The following CDNF variants were observed in gnomAD, a reference collection of about 807,000 sequenced individuals.
CDNF encodes the protein cerebral dopamine neurotrophic factor, also known as ARMET-like protein 1.
A neutral mutation model predicts 14.8 loss-of-function variants in CDNF; 9 were observed. That is an observed-to-expected ratio of 0.61 (90% CI 0.37 to 1.06). CDNF has a LOEUF of 1.06. CDNF is among the 50% of genes least tolerant of loss of function. The pLI is 0.01. For missense variants in CDNF, 228 were observed against 228.4 expected (o/e 1.00, Z 0.01); for synonymous variants, 86 against 87.2 (o/e 0.99, Z 0.07).
At chr10:14,834,648 T>C (rs916407994) in intron 1 of CDNF, among the ~76,000 whole-genome samples, 33 of 152,340 alleles carry the variant, frequency 2.2e-4, no homozygotes, top group African/African-American at 7.7e-4. Flanking sequence ...GCCTACCATA[T>C]GCCATGCACT....
intron 1 of CDNF, among the ~76,000 whole-genome samples, chr10:14,835,316 A>C (rs1833877613): frequency 6.6e-6 from 1 of 152,186 alleles, no homozygotes; most frequent in South Asian, 2.1e-4. Context: ...GAACCCTGGA[A>C]AATTCTAAGC....
At chr10:14,832,427 A>C (rs1049672856) in intron 1 of CDNF, among the ~76,000 whole-genome samples, 1 of 152,218 alleles carries the variant, frequency 6.6e-6, no homozygotes, top group Non-Finnish European at 1.5e-5. Context: ...TCTGGATGTC[A>C]CTCTGAGAAG....
intron 1 of CDNF, 73 bp from the exon 2 acceptor site, chr10:14,828,345 C>T (rs768299290): frequency 4.7e-5 from 70 of 1,482,208 alleles, no homozygotes; most frequent in African/African-American, 9.8e-5. Context: ...GACCCACTAA[C>T]CACATTTAAA....
At chr10:14,820,199 G>A (rs1288293231) in intron 3 of CDNF, 41 bp from the exon 4 acceptor site, 13 of 1,589,252 alleles carry the variant, frequency 8.2e-6, no homozygotes, top group African/African-American at 4.1e-5. Flanking sequence ...CAAAATAAAT[G>A]GAAAAAAAAT....
rs545147706 is a variant in CDNF, at chr10:14,820,455, G to A, written c.386-297C>T. 3.0e-4 allele frequency among the ~76,000 whole-genome samples: 46 copies of A among 152,190 alleles called. No homozygotes were observed. The South Asian group carries it at 6.7e-3, about 22-fold the overall frequency. On this transcript the variant is annotated intron_variant, in intron 3 of 3. Coordinates refer to ENST00000465530, the MANE Select transcript of CDNF (RefSeq NM_001029954.3). ...AAAAAATACAAACAGGGCTGGGCAC[G>A]GTGGCTCATGCCTGTAATCTCAGCA...
intron 1 of CDNF, among the ~76,000 whole-genome samples, chr10:14,832,999 A>G (rs1292873727): frequency 6.6e-6 from 1 of 151,372 alleles, no homozygotes; most frequent in African/African-American, 2.4e-5. Flanking sequence ...AGCTGGGATT[A>G]CAGGCGCATG....
intron 1 of CDNF, among the ~76,000 whole-genome samples, chr10:14,833,008 T>C (rs1393570967): frequency 6.6e-6 from 1 of 151,714 alleles, no homozygotes; most frequent in Non-Finnish European, 1.5e-5. Context: ...TACAGGCGCA[T>C]GTCACCACAC....
chr10:14,825,424 T>A, intron 3 of CDNF, 55 bp downstream of exon 3: 1 of 1,546,462 alleles, frequency 6.5e-7, no homozygotes, highest in Non-Finnish European at 8.8e-7. Context: ...GCCCCAACTT[T>A]AGAGGTTTGG....
At chr10:14,824,533 G>A (rs1833763125) in intron 3 of CDNF, among the ~76,000 whole-genome samples, 2 of 149,742 alleles carry the variant, frequency 1.3e-5, no homozygotes, top group Admixed American at 6.7e-5. Flanking sequence ...TTGAACCCAC[G>A]AGGCAGAGAT....
At position 14,819,992 on chromosome 10, in the gene CDNF, T is replaced by G. The variant is rs1833723545; in HGVS notation, c.552A>C (p.Lys184Asn). The G allele has an allele frequency of 5.0e-6, 8 of 1,613,704 alleles. No homozygotes were observed. The highest frequency in any genetic ancestry group is 5.9e-6 in the Non-Finnish European group (7 of 1,179,952). Residue 184 changes from lysine (K) to asparagine (N), a missense_variant, in exon 4 of 4, where the codon AAA becomes AAC. By Grantham distance (94) the Lys-to-Asn change is moderately conservative (BLOSUM62 0). Coordinates refer to ENST00000465530, the MANE Select transcript of CDNF (RefSeq NM_001029954.3). ...LAPKYAATHP[K>N]TEL ...CTGGCATTGGAGATCAGAGCTCTGT[T>G]TTGGGGTGTGTCGCTGCATACTTGG...
At chr10:14,835,461 C>T (rs1012938300) in intron 1 of CDNF, among the ~76,000 whole-genome samples, 1 of 152,018 alleles carries the variant, frequency 6.6e-6, no homozygotes, top group African/African-American at 2.4e-5. Flanking sequence ...TGTCACACAC[C>T]ACAAAGAAGT....
intron 1 of CDNF, among the ~76,000 whole-genome samples, chr10:14,832,958 G>C (rs144545564): frequency 0.015 from 2,106 of 140,828 alleles, 57 homozygotes; most frequent in African/African-American, 0.051. Flanking sequence ...CTCCTGGATT[G>C]AAGTGATTCT....
chr10:14,822,939 A>T (rs950125210), intron 3 of CDNF, among the ~76,000 whole-genome samples: 1 of 152,228 alleles, frequency 6.6e-6, no homozygotes, highest in African/African-American at 2.4e-5. Context: ...AAATGAAAAC[A>T]TTCTTTCAGG....
At chr10:14,826,040 G>GAAC (rs1833780339) in intron 2 of CDNF, among the ~76,000 whole-genome samples, 1 of 95,966 alleles carries the variant, frequency 1.0e-5, no homozygotes, top group African/African-American at 4.3e-5. Context: ...AGAAGAAGAA[G>GAAC]AAGAAGAAGA....
intron 3 of CDNF, among the ~76,000 whole-genome samples, chr10:14,820,598 G>A (rs549353025): frequency 5.9e-4 from 90 of 151,760 alleles, no homozygotes; most frequent in African/African-American, 1.8e-3. Flanking sequence ...CGGGCATGGC[G>A]GTGGCATGCC....
rs1334534053 is a variant in CDNF, at chr10:14,819,675, A to T, written c.*305T>A. On this transcript the variant is annotated 3_prime_UTR_variant, in exon 4 of 4. Transcript: ENST00000465530. The stretch of plus-strand genomic sequence containing the variant: ...TCTGAATGCCTTCTTCTTTCTTGGA[A>T]TCAATTTACTCCATCAATTTGTCAG... The T allele has an allele frequency of 4.4e-6, 1 of 226,236 alleles. No homozygotes were observed. Among genetic ancestry groups the T allele is most frequent in the Non-Finnish European group, 8.5e-6 (1 of 117,136 alleles). The allele number at this position is 226,236 out of a possible 1,614,324, so 14.0% of individuals were successfully genotyped here.
intron 2 of CDNF, among the ~76,000 whole-genome samples, chr10:14,825,981 AAGG>A: frequency 6.6e-6 from 1 of 150,680 alleles, no homozygotes; most frequent in East Asian, 1.9e-4. Flanking sequence ...AAAGAAGAAG[AAGG>A]AGAAGAAGAA....
intron 1 of CDNF, among the ~76,000 whole-genome samples, chr10:14,835,685 T>G (rs1833880351): frequency 6.6e-6 from 1 of 152,214 alleles, no homozygotes; most frequent in Admixed American, 6.5e-5. Flanking sequence ...AAATAAAAAG[T>G]TATTTAAAAT....
chr10:14,819,916 G>A lies in CDNF; in HGVS notation c.*64C>T. 1 of 1,457,830 alleles carries A rather than the reference G, an allele frequency of 6.9e-7. No individual in the cohort carries two copies. Among genetic ancestry groups the A allele is most frequent in the South Asian group, 1.3e-5 (1 of 79,308 alleles). The allele number at this position is 1,457,830 out of a possible 1,614,324, so 90.3% of individuals were successfully genotyped here. ...ATTCCCAGTTATCCTTAATCAACATGTCCATATCCTAGAGAGTCACTTTTC... is the reference window on the plus strand; with the variant it reads ...ATTCCCAGTTATCCTTAATCAACATATCCATATCCTAGAGAGTCACTTTTC... On this transcript the variant is annotated 3_prime_UTR_variant, in exon 4 of 4. Coordinates refer to ENST00000465530, the MANE Select transcript of CDNF (RefSeq NM_001029954.3).
Sources: allele counts gnomAD v4.1 joint callset (sites outside exome capture counted in the v4.1 genomes callset), GRCh38; gene constraint gnomAD v4.1.1; transcripts MANE v1.5; gene names NCBI Gene and HGNC (gene_info 2026-07-23, HGNC 2026-07-21).